Variants in SLC12A7 observed in about 807,000 individuals in gnomAD.
SLC12A7 encodes the protein solute carrier family 12 member 7.
Under a neutral mutation model 120.6 loss-of-function variants are expected in SLC12A7, and 100 were observed. The ratio of observed to expected loss-of-function variants is 0.83; its 90% CI spans 0.71 to 0.98. SLC12A7 has a LOEUF of 0.98. SLC12A7 is among the 50% of genes least tolerant of loss of function. The probability of loss-of-function intolerance (pLI) is 0.00; values close to 1 mark genes in which losing one functional copy is unlikely to be tolerated. For synonymous variants in SLC12A7, 760 were observed against 678.0 expected (o/e 1.12, Z -1.88); for missense variants, 1,373 against 1,548.1 (o/e 0.89, Z 1.90).
chr5:1,114,486 C>G (rs1032560116), upstream of SLC12A7, among the ~76,000 whole-genome samples: 1 of 152,158 alleles, frequency 6.6e-6, no homozygotes, highest in African/African-American at 2.4e-5. Context: ...TCCCTTCGCT[C>G]TGTGGGTTTC....
At position 1,061,127 on chromosome 5, in the gene SLC12A7, C is replaced by T. The variant is rs1736186607; in HGVS notation, c.2740-676G>A. 1.3e-4 allele frequency among the ~76,000 whole-genome samples: 5 copies of T among 38,704 alleles called. 1 individual carries two copies. Among genetic ancestry groups the T allele is most frequent in the African/African-American group, 2.1e-4 (5 of 23,326 alleles). 25.4% of individuals were successfully genotyped at this position (38,704 alleles called of 152,430 possible). ...CGTCTCACCCACCGCACCCGCCGTGCGGGACCCCTGCGTCTCACCCGCCGC... is the reference window on the plus strand; with the variant it reads ...CGTCTCACCCACCGCACCCGCCGTGTGGGACCCCTGCGTCTCACCCGCCGC... On this transcript the variant is annotated intron_variant, in intron 20 of 23. Transcript: ENST00000264930.
the SLC12A7 span, among the ~76,000 whole-genome samples, chr5:1,135,175 A>C: frequency 6.6e-6 from 1 of 152,196 alleles, no homozygotes; most frequent in African/African-American, 2.4e-5. Flanking sequence ...CATCTGTAAG[A>C]TGGGGATGAG....
the SLC12A7 span, among the ~76,000 whole-genome samples, chr5:1,150,922 A>G: frequency 1.9e-4 from 29 of 152,382 alleles, no homozygotes; most frequent in Middle Eastern, 3.4e-3. Context: ...GATTTTCCCA[A>G]CAAGGAGAGC....
chr5:1,061,889 G>A (rs1736330445), intron 20 of SLC12A7, among the ~76,000 whole-genome samples: 1 of 152,202 alleles, frequency 6.6e-6, no homozygotes, highest in Non-Finnish European at 1.5e-5. Flanking sequence ...CTGAACCCAG[G>A]AGGTGGAGGT....
Position 1,063,914 on chromosome 5 carries a change from T to C in SLC12A7, c.2669A>G (p.Gln890Arg). 1 of 1,612,280 alleles carries C rather than the reference T, an allele frequency of 6.2e-7. No individual in the cohort carries two copies. Among genetic ancestry groups the C allele is most frequent in the East Asian group, 2.2e-5 (1 of 44,836 alleles). Reference sequence around the variant, plus strand: ...GAACATCTGCAGGTCCTTCTTCATCTGGATGCTGTTGTCGTCCACCTGGGC... The same window carrying C: ...GAACATCTGCAGGTCCTTCTTCATCCGGATGCTGTTGTCGTCCACCTGGGC... ...TVAQVDDNSI[Q>R]MKKDLQMFLY... Residue 890 changes from glutamine to arginine, a missense_variant, in exon 20 of 24, where the codon CAG becomes CGG. By Grantham distance (43) the Gln-to-Arg change is conservative. Coordinates refer to ENST00000264930, the MANE Select transcript of SLC12A7 (RefSeq NM_006598.3).
intron 3 of SLC12A7, 39 bp downstream of exon 3, chr5:1,093,494 G>GGGACGGGGACT (rs1554020785): frequency 6.6e-7 from 1 of 1,511,130 alleles, no homozygotes; most frequent in Non-Finnish European, 8.9e-7. Flanking sequence ...CGGGACACAC[G>GGGACGGGGACT]GGGCGGGGAC....
chr5:1,095,636 G>A (rs1303555911), intron 1 of SLC12A7, among the ~76,000 whole-genome samples: 1 of 152,236 alleles, frequency 6.6e-6, no homozygotes, highest in Non-Finnish European at 1.5e-5. Flanking sequence ...GTGGCCGGAG[G>A]AGGGCAGGCC....
At chr5:1,109,179 A>G (rs1016378943) in intron 1 of SLC12A7, among the ~76,000 whole-genome samples, 2 of 152,114 alleles carry the variant, frequency 1.3e-5, no homozygotes, top group African/African-American at 4.8e-5. Context: ...CACCTTCCAG[A>G]CAGGCCGGGG....
the SLC12A7 span, among the ~76,000 whole-genome samples, chr5:1,140,724 C>G: frequency 6.6e-6 from 1 of 152,240 alleles, no homozygotes; most frequent in South Asian, 2.1e-4. Flanking sequence ...CCCAGGGCCC[C>G]GGGGAGGGCT....
the SLC12A7 span, among the ~76,000 whole-genome samples, chr5:1,147,782 C>T: frequency 6.6e-6 from 1 of 152,242 alleles, no homozygotes; most frequent in East Asian, 1.9e-4. Context: ...CTCACTCTGT[C>T]ACCCAGGCTG....
chr5:1,112,153 G>C (rs1468185045), upstream of SLC12A7: 2 of 865,092 alleles, frequency 2.3e-6, no homozygotes, highest in Non-Finnish European at 3.0e-6. Context: ...ACGAAAAGTT[G>C]GCCCGCGGCG....
rs28455932 is a variant in SLC12A7 at position 1,081,077 on chromosome 5, C to G, written c.1297+500G>C. 4.6e-3 allele frequency among the ~76,000 whole-genome samples: 66 copies of G among 14,364 alleles called. No homozygotes were observed. The South Asian group carries it at 0.073, about 16-fold the overall frequency. 9.4% of individuals were successfully genotyped at this position (14,364 alleles called of 152,430 possible). A position where few individuals can be genotyped will look rare whatever the true frequency, so the allele number is the denominator to read the frequency against. On this transcript the variant is annotated intron_variant, in intron 9 of 23. Coordinates refer to ENST00000264930, the MANE Select transcript of SLC12A7 (RefSeq NM_006598.3). ...AGGGAGACAGAGAGAGAGAGAGAGA[C>G]AGACAGAGAGAGAGGGAAAAGGGTA... is the stretch of plus-strand genomic sequence containing the variant.
chr5:1,053,591 G>A, intron 22 of SLC12A7, 109 bp from the exon 23 acceptor site: 5 of 1,384,874 alleles, frequency 3.6e-6, no homozygotes, highest in Non-Finnish European at 3.9e-6. Flanking sequence ...GGAAAGGGCT[G>A]TGTGAGTCAG....
At chr5:1,092,888 T>C (rs1158964567) in intron 3 of SLC12A7, among the ~76,000 whole-genome samples, 2 of 152,276 alleles carry the variant, frequency 1.3e-5, no homozygotes. Flanking sequence ...CTTTCTCGCC[T>C]GTGAGCGTCA....
rs113623715 is a variant in SLC12A7, at chr5:1,055,381, G to A, written c.3027-1899C>T. Among the ~76,000 whole-genome samples the A allele has an allele frequency of 5.5e-3, 842 of 152,238 alleles. 6 individuals carry two copies. Among genetic ancestry groups the A allele is most frequent in the African/African-American group, 0.019 (804 of 41,558 alleles). On this transcript the variant is annotated intron_variant, in intron 22 of 23. Coordinates refer to ENST00000264930, the MANE Select transcript of SLC12A7 (RefSeq NM_006598.3). ...TGCGCTGACAGGTACATGCGAGCAC[G>A]CACACAAACAGACATCCGTTAAGTG...
chr5:1,088,280 G>A, intron 5 of SLC12A7, 26 bp downstream of exon 5: 2 of 1,572,308 alleles, frequency 1.3e-6, no homozygotes, highest in South Asian at 2.3e-5. Flanking sequence ...CAGGACTCAG[G>A]GCCGCGGCTG....
At chr5:1,116,022 TG>T (rs1431622870), upstream of SLC12A7, among the ~76,000 whole-genome samples, 1 of 151,786 alleles carries the variant, frequency 6.6e-6, no homozygotes, top group Admixed American at 6.6e-5. Flanking sequence ...CGGCCACCTG[TG>T]GGACCCACAC....
chr5:1,076,146 G>C lies in SLC12A7; in HGVS notation c.1839C>G (p.Phe613Leu). The stretch of plus-strand genomic sequence containing the variant: ...GTGCTGAGTGGCCTCACCAGTGGTA[G>C]AACTTGAAGCGTGGACGCCAGTTGG... ...RTPNWRPRFKFYHWTLSFLGM... is the reference protein window; with the variant it reads ...RTPNWRPRFKLYHWTLSFLGM... Residue 613 changes from phenylalanine to leucine, a missense_variant, in exon 14 of 24, where the codon TTC becomes TTG. Transcript: ENST00000264930. The C allele has an allele frequency of 6.2e-7, 1 of 1,610,740 alleles. No individual in the cohort carries two copies. The highest frequency in any genetic ancestry group is 8.5e-7 in the Non-Finnish European group (1 of 1,178,932).
rs1209507505 is a variant in SLC12A7, at chr5:1,073,748, G to A, written c.2126C>T (p.Pro709Leu). 3 of 1,562,048 alleles carry A rather than the reference G, an allele frequency of 1.9e-6. No individual in the cohort carries two copies. Among genetic ancestry groups the A allele is most frequent in the African/African-American group, 2.8e-5 (2 of 72,374 alleles). The change falls in exon 17 of 24, where the codon CCC becomes CTC. Residue 709 changes from proline (P) to leucine (L), a missense_variant. Coordinates refer to ENST00000264930, the MANE Select transcript of SLC12A7 (RefSeq NM_006598.3). The part of the protein sequence containing the change: ...NLDAEQAVKH[P>L]RLLSFTSQLK... ...CTGCGACGTGAAGGACAGCAGGCGG[G>A]GGTGCTTCACGGCCTGCTCCGCGTC...
Sources: gnomAD v4.1 joint callset for allele counts (sites outside exome capture counted in the v4.1 genomes callset) on GRCh38, gnomAD v4.1.1 for gene constraint, MANE v1.5 for transcripts, NCBI Gene and HGNC (gene_info 2026-07-23, HGNC 2026-07-21) for gene names.